The following CREB5 variants were observed in gnomAD, a reference collection of about 807,000 sequenced individuals.
CREB5 encodes the protein cyclic AMP-responsive element-binding protein 5.
Under a neutral mutation model 57.1 loss-of-function variants are expected in CREB5, and 19 were observed. The ratio of observed to expected loss-of-function variants is 0.33; its 90% CI spans 0.23 to 0.49. The LOEUF (loss-of-function observed/expected upper bound fraction) is 0.49. Among genes scored for constraint, CREB5 ranks in the 20% least tolerant of loss-of-function variants. The pLI, the probability that CREB5 is intolerant of heterozygous loss-of-function variation, is 0.99. For synonymous variants in CREB5, 238 were observed against 238.3 expected, an observed-to-expected ratio of 1.00 and a Z score of 0.01; for missense variants, 579 against 671.6, an observed-to-expected ratio of 0.86 and a Z score of 1.52.
intron 5 of CREB5, among the ~76,000 whole-genome samples, chr7:28,688,988 C>T (rs996895171): frequency 1.4e-4 from 21 of 152,180 alleles, no homozygotes; most frequent in African/African-American, 5.1e-4. Context: ...CTCTCCATGC[C>T]GGCTGTGATA....
At chr7:28,391,580 T>C (rs543601083) in intron 1 of CREB5, among the ~76,000 whole-genome samples, 1 of 152,310 alleles carries the variant, frequency 6.6e-6, no homozygotes, top group African/African-American at 2.4e-5. Context: ...TGCTGTGATA[T>C]AAGATCTACT....
At chr7:28,578,012 T>G (rs1795966665) in intron 5 of CREB5, among the ~76,000 whole-genome samples, 1 of 152,166 alleles carries the variant, frequency 6.6e-6, no homozygotes, top group Admixed American at 6.6e-5. Context: ...TGGATGATGG[T>G]TTTGCCAGAG....
chr7:28,698,706 A>G (rs1244225784), intron 5 of CREB5, among the ~76,000 whole-genome samples: 1 of 152,212 alleles, frequency 6.6e-6, no homozygotes, highest in African/African-American at 2.4e-5. Context: ...GCTATGTTTT[A>G]TGAAGGCAAG....
intron 1 of CREB5, among the ~76,000 whole-genome samples, chr7:28,391,109 A>G (rs552554883): frequency 6.2e-4 from 95 of 152,322 alleles, no homozygotes; most frequent in African/African-American, 2.2e-3. Context: ...TTCGTTTCTT[A>G]GTTTAAAATT....
intron 1 of CREB5, among the ~76,000 whole-genome samples, chr7:28,443,151 C>A (rs771712693): frequency 9.2e-5 from 14 of 152,182 alleles, no homozygotes; most frequent in Non-Finnish European, 1.8e-4. Context: ...CTGGGTCAGA[C>A]ACAAAGTTCT....
chr7:28,771,031 A>T (rs1315947976), intron 7 of CREB5, among the ~76,000 whole-genome samples: 1 of 152,246 alleles, frequency 6.6e-6, no homozygotes, highest in Non-Finnish European at 1.5e-5. Context: ...GGTGCACCTG[A>T]AAATCACAAA....
chr7:28,814,123 A>G (rs1413102843), intron 9 of CREB5, among the ~76,000 whole-genome samples: 20 of 152,218 alleles, frequency 1.3e-4, no homozygotes. Flanking sequence ...TCTTGTATGC[A>G]TTTTGAAACA....
Position 28,555,172 on chromosome 7 carries a change from A to G in CREB5, c.292-15193A>G, listed in dbSNP as rs557342756. 2.7e-5 allele frequency among the ~76,000 whole-genome samples: 4 copies of G among 149,900 alleles called. No individual in the cohort carries two copies. The South Asian group carries it at 8.4e-4, about 32-fold the overall frequency. On this transcript the variant is annotated intron_variant, in intron 4 of 10. Transcript: ENST00000357727. ...ATGGGTTTACCTAAACCTTTATCAA[A>G]CATGGTGGTGTGCAAGGATGTTAGA...
intron 5 of CREB5, among the ~76,000 whole-genome samples, chr7:28,713,018 AG>A (rs1382514399): frequency 6.6e-6 from 1 of 152,154 alleles, no homozygotes; most frequent in African/African-American, 2.4e-5. Context: ...TCATTTAAGA[AG>A]GTCCAAAAGA....
intron 1 of CREB5, among the ~76,000 whole-genome samples, chr7:28,347,449 C>A (rs1786082605): frequency 6.6e-6 from 1 of 152,142 alleles, no homozygotes; most frequent in South Asian, 2.1e-4. Context: ...ATCAAAAAAT[C>A]TTTCCCCTTT....
At chr7:28,708,122 G>A (rs6462099) in intron 5 of CREB5, among the ~76,000 whole-genome samples, 61,082 of 152,116 alleles carry the variant, frequency 0.4, 12,817 homozygotes, top group African/African-American at 0.5. Context: ...GAAGCTCTCT[G>A]TTAGGATATA....
At chr7:28,479,046 A>T (rs563442961) in intron 1 of CREB5, among the ~76,000 whole-genome samples, 127 of 152,292 alleles carry the variant, frequency 8.3e-4, no homozygotes, top group African/African-American at 2.9e-3. Context: ...GGGAAAGTAT[A>T]AAGAGGTGGG....
At chr7:28,685,731 T>C (rs1800853735) in intron 5 of CREB5, among the ~76,000 whole-genome samples, 1 of 150,690 alleles carries the variant, frequency 6.6e-6, no homozygotes, top group African/African-American at 2.4e-5. Flanking sequence ...GACCCCTGCC[T>C]GCAGAACTCC....
chr7:28,449,681 T>C (rs1047782816), intron 1 of CREB5, among the ~76,000 whole-genome samples: 2 of 152,246 alleles, frequency 1.3e-5, no homozygotes, highest in African/African-American at 4.8e-5. Flanking sequence ...TGTTTGTTGC[T>C]TGACCAAATC....
intron 1 of CREB5, among the ~76,000 whole-genome samples, chr7:28,303,760 T>C (rs1361835519): frequency 6.6e-6 from 1 of 152,210 alleles, no homozygotes; most frequent in East Asian, 1.9e-4. Context: ...ACATACATAT[T>C]TAACTTAATG....
chr7:28,434,131 C>T (rs553790955), intron 1 of CREB5, among the ~76,000 whole-genome samples: 1 of 152,072 alleles, frequency 6.6e-6, no homozygotes, highest in Non-Finnish European at 1.5e-5. Context: ...TTAACAAGGG[C>T]TTGGGGGCTC....
intron 4 of CREB5, among the ~76,000 whole-genome samples, chr7:28,515,264 T>TTATGTGGA (rs1792894285): frequency 1.3e-5 from 2 of 152,204 alleles, no homozygotes; most frequent in Admixed American, 1.3e-4. Flanking sequence ...AGCCAGTGGT[T>TTATGTGGA]TATGTGGACC....
chr7:28,673,222 G>A (rs1014881470), intron 5 of CREB5, among the ~76,000 whole-genome samples: 5 of 152,184 alleles, frequency 3.3e-5, no homozygotes, highest in African/African-American at 1.2e-4. Flanking sequence ...TCTTCCATTT[G>A]TTTGTATACT....
chr7:28,804,464 ACCCAGCACAT>A lies in CREB5; in HGVS notation c.970_979del (p.Pro324ThrfsTer44). 1 of 1,613,986 alleles carries A rather than the reference ACCCAGCACAT, an allele frequency of 6.2e-7. No homozygotes were observed. Among genetic ancestry groups the A allele is most frequent in the Non-Finnish European group, 8.5e-7 (1 of 1,179,978 alleles). ...CACTCCCATTCCCACCTTCATGCAC[ACCCAGCACAT>A]CACCAGACCTCGCCACATCCGCCCC... On this transcript the variant is annotated frameshift_variant, in exon 8 of 11. Coordinates refer to ENST00000357727, the MANE Select transcript of CREB5 (RefSeq NM_182898.4). LOFTEE classifies it high-confidence loss of function.
Sources: allele counts gnomAD v4.1 joint callset (sites outside exome capture counted in the v4.1 genomes callset), GRCh38; gene constraint gnomAD v4.1.1; transcripts MANE v1.5; gene names NCBI Gene and HGNC (gene_info 2026-07-23, HGNC 2026-07-21).